Variants in DCT observed in about 807,000 individuals in gnomAD.
DCT encodes the protein L-dopachrome tautomerase.
A neutral mutation model predicts 53.0 loss-of-function variants in DCT; 47 were observed. The observed-to-expected ratio is 0.89, with a 90% confidence interval of 0.70 to 1.13. DCT has a LOEUF of 1.13. DCT is among the 50% of genes most tolerant of loss of function. The pLI is 0.00. For missense variants in DCT, 669 were observed against 637.4 expected (o/e 1.05, Z -0.53); for synonymous variants, 244 against 237.0 (o/e 1.03, Z -0.27).
chr13:94,462,011 T>G lies in DCT; in HGVS notation c.1042A>C (p.Arg348=). The stretch of plus-strand genomic sequence containing the variant: ...TCCAGCAGAGCTCAGAGCACCCACC[T>G]GAAACTGAAGGTAGAGTTCTGGAAG... The part of the protein sequence containing the change: ...PFFQNSTFSF[R]NALEGFDKAD... Residue 348 remains arginine (R), a splice_region_variant and synonymous_variant, in exon 5 of 8, where the codon AGG becomes CGG. Coordinates refer to ENST00000377028, the MANE Select transcript of DCT (RefSeq NM_001922.5). 1 of 1,612,954 alleles carries G rather than the reference T, an allele frequency of 6.2e-7. No homozygotes were observed. Among genetic ancestry groups the G allele is most frequent in the South Asian group, 1.1e-5 (1 of 91,002 alleles).
At chr13:94,444,468 T>A in intron 6 of DCT, 1 of 487,738 alleles carries the variant, frequency 2.1e-6, no homozygotes, top group Non-Finnish European at 4.0e-6. Flanking sequence ...TGCTCATTTA[T>A]GTTTTCTCAA....
intron 1 of DCT, among the ~76,000 whole-genome samples, chr13:94,475,715 G>T (rs1390059066): frequency 6.6e-6 from 1 of 152,154 alleles, no homozygotes; most frequent in African/African-American, 2.4e-5. Flanking sequence ...AAAGAACCAC[G>T]AGGAACCTTT....
the DCT span, among the ~76,000 whole-genome samples, chr13:94,512,721 T>TAC: frequency 2.5e-4 from 38 of 151,478 alleles, no homozygotes; most frequent in Middle Eastern, 3.4e-3. Context: ...TATATATATA[T>TAC]ACACACACAC....
chr13:94,441,524 C>T lies in DCT; in HGVS notation c.1382-1448G>A, dbSNP rs569580889. Among the ~76,000 whole-genome samples the T allele has an allele frequency of 4.8e-4, 73 of 152,272 alleles. 1 individual carries two copies. The highest frequency in any genetic ancestry group is 9.0e-4 in the Non-Finnish European group (61 of 68,014). ...GCCCACCAAACAGTAACTCCCTATT[C>T]TCCCCTCCCAACCCCTGGTAACCAG... is the stretch of plus-strand genomic sequence containing the variant. On this transcript the variant is annotated intron_variant, in intron 7 of 7. Transcript: ENST00000377028.
At chr13:94,502,582 G>A in the DCT span, among the ~76,000 whole-genome samples, 1 of 152,146 alleles carries the variant, frequency 6.6e-6, no homozygotes, top group African/African-American at 2.4e-5. Flanking sequence ...ATTACACCCA[G>A]CAGGCATCTG....
the DCT span, among the ~76,000 whole-genome samples, chr13:94,517,968 C>T: frequency 6.6e-6 from 1 of 151,954 alleles, no homozygotes; most frequent in African/African-American, 2.4e-5. Flanking sequence ...CAGGGCCAGG[C>T]ACAGTGGCTC....
chr13:94,524,410 C>T, the DCT span, among the ~76,000 whole-genome samples: 2 of 152,208 alleles, frequency 1.3e-5, no homozygotes, highest in South Asian at 4.1e-4. Context: ...ATGACCATCG[C>T]CACAGGCCTG....
At chr13:94,492,704 A>G in the DCT span, among the ~76,000 whole-genome samples, 577 of 152,316 alleles carry the variant, frequency 3.8e-3, 5 homozygotes, top group African/African-American at 0.013. Context: ...AGAAACATTG[A>G]TTTTAGAAAA....
chr13:94,439,041 T>G lies in DCT; in HGVS notation c.*857A>C, dbSNP rs1882084559. 1 of 181,710 alleles carries G rather than the reference T, an allele frequency of 5.5e-6. No homozygotes were observed. The highest frequency in any genetic ancestry group is 1.2e-4 in the South Asian group (1 of 8,428). 11.3% of individuals were successfully genotyped at this position (181,710 alleles called of 1,614,324 possible). Reference sequence around the variant, plus strand: ...GGTTTACAGCCTCACCAGCCTTCAGTCAGCCTTCCTTGGAAAGAGTAATTC... The same window carrying G: ...GGTTTACAGCCTCACCAGCCTTCAGGCAGCCTTCCTTGGAAAGAGTAATTC... On this transcript the variant is annotated 3_prime_UTR_variant, in exon 8 of 8. Transcript: ENST00000377028.
intron 5 of DCT, among the ~76,000 whole-genome samples, chr13:94,460,734 T>C (rs1883727205): frequency 1.3e-5 from 2 of 152,008 alleles, no homozygotes; most frequent in South Asian, 4.2e-4. Flanking sequence ...CACTCTACCC[T>C]AGGTGACACA....
the DCT span, among the ~76,000 whole-genome samples, chr13:94,485,026 C>T: frequency 6.6e-6 from 1 of 151,216 alleles, no homozygotes; most frequent in African/African-American, 2.4e-5. Flanking sequence ...TTATTGTCTT[C>T]GTAACCCAAT....
chr13:94,539,464 T>C, the DCT span, among the ~76,000 whole-genome samples: 1 of 151,552 alleles, frequency 6.6e-6, no homozygotes, highest in Non-Finnish European at 1.5e-5. Context: ...GAGGAATGTT[T>C]CTTCTGTGTT....
the DCT span, among the ~76,000 whole-genome samples, chr13:94,544,298 C>T: frequency 7.9e-5 from 12 of 152,078 alleles, no homozygotes; most frequent in Non-Finnish European, 1.6e-4. Flanking sequence ...AGAGAACACT[C>T]CATAAACGGT....
chr13:94,494,653 A>C, the DCT span, among the ~76,000 whole-genome samples: 1 of 152,320 alleles, frequency 6.6e-6, no homozygotes, highest in East Asian at 1.9e-4. Flanking sequence ...TAATATAATG[A>C]AGGAATGATT....
the DCT span, among the ~76,000 whole-genome samples, chr13:94,502,936 A>T: frequency 6.6e-6 from 1 of 152,196 alleles, no homozygotes; most frequent in African/African-American, 2.4e-5. Context: ...CATTGCAAGG[A>T]AAACCTGGTT....
intron 6 of DCT, among the ~76,000 whole-genome samples, chr13:94,452,039 C>CT (rs56812045): frequency 0.14 from 21,150 of 148,552 alleles, 1,559 homozygotes; most frequent in South Asian, 0.2. Context: ...CTGGACTTCA[C>CT]TTTTTTTTTT....
At chr13:94,443,682 C>A in intron 6 of DCT, 45 bp from the exon 7 acceptor site, 1 of 1,456,592 alleles carries the variant, frequency 6.9e-7, no homozygotes, top group Non-Finnish European at 9.6e-7. Context: ...TCAGTCTGTT[C>A]CGATCACACC....
the DCT span, among the ~76,000 whole-genome samples, chr13:94,526,296 A>T: frequency 6.6e-6 from 1 of 152,240 alleles, no homozygotes; most frequent in Non-Finnish European, 1.5e-5. Flanking sequence ...GTCTTCAAGC[A>T]ATTGAGAACC....
the DCT span, among the ~76,000 whole-genome samples, chr13:94,539,654 G>GAT: frequency 6.6e-6 from 1 of 152,162 alleles, no homozygotes; most frequent in Admixed American, 6.5e-5. Context: ...TTCAAATAGA[G>GAT]ATATAATTTA....
Sources: gnomAD v4.1 joint callset for allele counts (sites outside exome capture counted in the v4.1 genomes callset) on GRCh38, gnomAD v4.1.1 for gene constraint, MANE v1.5 for transcripts, NCBI Gene and HGNC (gene_info 2026-07-23, HGNC 2026-07-21) for gene names.